HPSE2: variants seen among roughly 807,000 people sequenced by gnomAD.
HPSE2 encodes heparanase 2 (inactive).
Under a neutral mutation model 60.5 loss-of-function variants are expected in HPSE2, and 38 were observed. The ratio of observed to expected loss-of-function variants is 0.63; its 90% confidence interval spans 0.48 to 0.82. HPSE2 has a LOEUF of 0.82. HPSE2 is among the 40% of genes least tolerant of loss of function. HPSE2 has a pLI of 0.00. For synonymous variants in HPSE2, 295 were observed against 293.2 expected (o/e 1.01, Z -0.06); for missense variants, 713 against 740.4 (o/e 0.96, Z 0.43).
chr10:98,529,134 CA>C, intron 9 of HPSE2, among the ~76,000 whole-genome samples: 1 of 152,372 alleles, frequency 6.6e-6, no homozygotes, highest in East Asian at 1.9e-4. Context: ...GATAGCCTCA[CA>C]CACAGAAGAT....
chr10:99,275,839 G>T, the HPSE2 span, among the ~76,000 whole-genome samples: 1 of 152,128 alleles, frequency 6.6e-6, no homozygotes, highest in African/African-American at 2.4e-5. Context: ...AACATCTAGG[G>T]CATGGGACTG....
At chr10:99,291,582 G>GAA in the HPSE2 span, among the ~76,000 whole-genome samples, 1 of 115,834 alleles carries the variant, frequency 8.6e-6, no homozygotes, top group Non-Finnish European at 1.8e-5. Context: ...GACTCCATCT[G>GAA]AAAAAAAAAA....
chr10:98,872,737 C>T (rs1161030847), intron 3 of HPSE2, among the ~76,000 whole-genome samples: 6 of 151,986 alleles, frequency 3.9e-5, no homozygotes, highest in African/African-American at 9.7e-5. Context: ...AGAAAATATC[C>T]GGAAAATGCT....
chr10:99,284,770 T>C, the HPSE2 span, among the ~76,000 whole-genome samples: 1 of 152,194 alleles, frequency 6.6e-6, no homozygotes, highest in Non-Finnish European at 1.5e-5. Flanking sequence ...GAGTTTGTTA[T>C]ACAGATTATT....
intron 4 of HPSE2, among the ~76,000 whole-genome samples, chr10:98,730,255 G>C (rs1295433151): frequency 6.6e-6 from 1 of 151,578 alleles, no homozygotes; most frequent in East Asian, 1.9e-4. Flanking sequence ...AAATCACAAG[G>C]AAATAAACAA....
At chr10:99,146,329 C>T (rs1846051635) in intron 2 of HPSE2, among the ~76,000 whole-genome samples, 1 of 152,176 alleles carries the variant, frequency 6.6e-6, no homozygotes, top group African/African-American at 2.4e-5. Flanking sequence ...TGAAAAACTA[C>T]ACTATACAAT....
intron 9 of HPSE2, among the ~76,000 whole-genome samples, chr10:98,516,531 A>C (rs572937903): frequency 1.3e-5 from 2 of 152,308 alleles, no homozygotes; most frequent in Non-Finnish European, 2.9e-5. Flanking sequence ...TGGTGACTTC[A>C]CTGTGAAACT....
chr10:99,173,448 G>C lies in HPSE2; in HGVS notation c.449-29049C>G, dbSNP rs114461844. On this transcript the variant is annotated intron_variant, in intron 2 of 11. Coordinates refer to ENST00000370552, the MANE Select transcript of HPSE2 (RefSeq NM_021828.5). ...AAAGTTTTCCTTAAGACCCAAGGTA[G>C]ACAGTGATGCCCTTATCCAAAGTAG... 2.6e-3 allele frequency among the ~76,000 whole-genome samples: 397 copies of C among 152,262 alleles called. 2 individuals carry two copies. Among genetic ancestry groups the C allele is most frequent in the African/African-American group, 9.2e-3 (383 of 41,546 alleles).
intron 9 of HPSE2, among the ~76,000 whole-genome samples, chr10:98,535,741 T>C (rs1943263080): frequency 6.6e-6 from 1 of 152,268 alleles, no homozygotes; most frequent in South Asian, 2.1e-4. Context: ...AATTTCATAA[T>C]ACAACCACCC....
chr10:98,969,350 T>G (rs1323839185), intron 3 of HPSE2, among the ~76,000 whole-genome samples: 3 of 152,168 alleles, frequency 2.0e-5, no homozygotes, highest in Non-Finnish European at 2.9e-5. Context: ...CTACCTGCCC[T>G]TCAGCATCAT....
chr10:98,544,632 G>C (rs1233775932), intron 9 of HPSE2, among the ~76,000 whole-genome samples: 1 of 145,316 alleles, frequency 6.9e-6, no homozygotes. Context: ...AGAATGGCGT[G>C]AACCCAGGAG....
intron 6 of HPSE2, among the ~76,000 whole-genome samples, chr10:98,650,420 C>T (rs1946885372): frequency 6.6e-6 from 1 of 152,138 alleles, no homozygotes; most frequent in African/African-American, 2.4e-5. Flanking sequence ...AACAAAACAC[C>T]TTTATACCAA....
intron 3 of HPSE2, among the ~76,000 whole-genome samples, chr10:99,029,318 A>T (rs1037041690): frequency 6.6e-6 from 1 of 152,220 alleles, no homozygotes; most frequent in Non-Finnish European, 1.5e-5. Context: ...GACCAGCCCC[A>T]CAGGGTCGGT....
chr10:98,956,333 G>A (rs1382678362), intron 3 of HPSE2, among the ~76,000 whole-genome samples: 1 of 152,148 alleles, frequency 6.6e-6, no homozygotes, highest in Non-Finnish European at 1.5e-5. Context: ...TGGTATGATA[G>A]AGCATGGTGT....
chr10:99,270,018 C>T, the HPSE2 span, among the ~76,000 whole-genome samples: 259 of 152,202 alleles, frequency 1.7e-3, 1 homozygote, highest in African/African-American at 5.8e-3. Flanking sequence ...TAAATGCCTA[C>T]GTGAAAAAGT....
intron 3 of HPSE2, among the ~76,000 whole-genome samples, chr10:98,791,204 A>G: frequency 6.6e-6 from 1 of 152,206 alleles, no homozygotes; most frequent in Non-Finnish European, 1.5e-5. Flanking sequence ...TGAAGATATA[A>G]TGAATGCTGG....
rs766324046 is a variant in HPSE2, at chr10:99,144,395, A to G, written c.453T>C (p.Ile151=). 1 of 1,613,428 alleles carries G rather than the reference A, an allele frequency of 6.2e-7. No homozygotes were observed. The highest frequency in any genetic ancestry group is 8.5e-7 in the Non-Finnish European group (1 of 1,179,972). ...DYYLKNYEDD[I]VRSDVALDKQ... Reference sequence around the variant, plus strand: ...TATCTAAGGCAACATCACTTCGAACAATGTCTACAAAAAGAAAGAAAGAAG... The same window carrying G: ...TATCTAAGGCAACATCACTTCGAACGATGTCTACAAAAAGAAAGAAAGAAG... The change falls in exon 3 of 12, where the codon ATT becomes ATC. Residue 151 remains isoleucine (I), a synonymous_variant. Coordinates refer to ENST00000370552, the MANE Select transcript of HPSE2 (RefSeq NM_021828.5).
At chr10:98,599,576 G>A (rs921078009) in intron 9 of HPSE2, among the ~76,000 whole-genome samples, 3 of 152,132 alleles carry the variant, frequency 2.0e-5, no homozygotes, top group Admixed American at 2.0e-4. Flanking sequence ...AGTTTTATTG[G>A]GTACAGTCCT....
the HPSE2 span, among the ~76,000 whole-genome samples, chr10:99,282,836 C>T: frequency 0.86 from 130,170 of 152,078 alleles, 56,069 homozygotes; most frequent in African/African-American, 0.92. Flanking sequence ...CATACCAAAA[C>T]TTACGAGATG....
Sources: allele counts gnomAD v4.1 joint callset (sites outside exome capture counted in the v4.1 genomes callset), GRCh38; gene constraint gnomAD v4.1.1; transcripts MANE v1.5; gene names NCBI Gene and HGNC (gene_info 2026-07-23, HGNC 2026-07-21).